The following DOCK3 variants were observed in gnomAD, a reference collection of about 807,000 sequenced individuals.
DOCK3 encodes dedicator of cytokinesis 3, also known as dedicator of cytokinesis protein 3.
A neutral mutation model predicts 265.6 loss-of-function variants in DOCK3; 60 were observed. The ratio of observed to expected loss-of-function variants is 0.23; its 90% CI spans 0.18 to 0.28. The LOEUF is 0.28. Among genes scored for constraint, DOCK3 ranks in the 10% least tolerant of loss-of-function variants. The pLI is 1.00. For missense variants in DOCK3, 1,981 were observed against 2,594.3 expected, an observed-to-expected ratio of 0.76 and a Z score of 5.14; for synonymous variants, 881 against 938.0, an observed-to-expected ratio of 0.94 and a Z score of 1.11.
chr3:51,129,898 C>T (rs1349412554), intron 9 of DOCK3, among the ~76,000 whole-genome samples: 1 of 152,228 alleles, frequency 6.6e-6, no homozygotes, highest in Non-Finnish European at 1.5e-5. Flanking sequence ...TTCTCCTGTT[C>T]TGGACCCCAC....
At chr3:51,255,833 T>C (rs1169440951) in intron 22 of DOCK3, among the ~76,000 whole-genome samples, 1 of 152,234 alleles carries the variant, frequency 6.6e-6, no homozygotes, top group East Asian at 1.9e-4. Context: ...CGGAGAAGTT[T>C]GTTATTACCG....
intron 23 of DOCK3, among the ~76,000 whole-genome samples, chr3:51,265,307 T>C (rs190782749): frequency 6.6e-6 from 1 of 152,340 alleles, no homozygotes; most frequent in East Asian, 1.9e-4. Context: ...TCTGAAACTA[T>C]TCCAAACAAT....
At chr3:51,170,512 A>T (rs944464144) in intron 12 of DOCK3, among the ~76,000 whole-genome samples, 1 of 151,988 alleles carries the variant, frequency 6.6e-6, no homozygotes, top group Non-Finnish European at 1.5e-5. Flanking sequence ...TAGGTTATCT[A>T]ATTTCTTAAC....
intron 1 of DOCK3, among the ~76,000 whole-genome samples, chr3:50,705,591 A>G (rs1483752258): frequency 1.3e-5 from 2 of 151,758 alleles, no homozygotes; most frequent in Non-Finnish European, 2.9e-5. Flanking sequence ...AATTTTTTGT[A>G]TTTTTAGTAG....
intron 5 of DOCK3, among the ~76,000 whole-genome samples, chr3:51,043,198 A>G (rs955313847): frequency 2.0e-5 from 3 of 152,238 alleles, no homozygotes; most frequent in Admixed American, 6.5e-5. Context: ...CTGCAGGTCT[A>G]CAGTAACCAA....
intron 10 of DOCK3, among the ~76,000 whole-genome samples, chr3:51,155,450 A>G (rs1040312659): frequency 6.6e-6 from 1 of 152,210 alleles, no homozygotes; most frequent in South Asian, 2.1e-4. Flanking sequence ...AGTTCTTCCT[A>G]TGAGCTAAAG....
chr3:51,188,213 G>C (rs4244698), intron 12 of DOCK3, among the ~76,000 whole-genome samples: 149,294 of 152,348 alleles, frequency 0.98, 73,170 homozygotes, highest in East Asian at 1. Context: ...ACATTAGTAC[G>C]AAGTGGAAAG....
intron 23 of DOCK3, among the ~76,000 whole-genome samples, chr3:51,269,094 ACTCT>A (rs113113347): frequency 0.015 from 2,132 of 141,200 alleles, 60 homozygotes; most frequent in African/African-American, 0.051. Context: ...GAGTTTCACA[ACTCT>A]CTCTCTCTCT....
chr3:51,270,764 T>C (rs568616717), intron 23 of DOCK3, 51 bp from the exon 24 acceptor site: 2 of 1,548,138 alleles, frequency 1.3e-6, no homozygotes, highest in African/African-American at 2.7e-5. Context: ...GCATGAAAGA[T>C]AGACACACAC....
chr3:50,933,644 T>A (rs1031434684), intron 4 of DOCK3, among the ~76,000 whole-genome samples: 12 of 152,062 alleles, frequency 7.9e-5, no homozygotes, highest in East Asian at 1.9e-4. Flanking sequence ...ATAAATAATT[T>A]AAAAAAACTA....
intron 1 of DOCK3, among the ~76,000 whole-genome samples, chr3:50,704,758 T>G (rs1010557881): frequency 2.0e-5 from 3 of 151,890 alleles, no homozygotes; most frequent in Non-Finnish European, 4.4e-5. Flanking sequence ...CCTGAGTAAG[T>G]GGGATTACAG....
chr3:51,297,297 T>C (rs904626081), intron 27 of DOCK3, among the ~76,000 whole-genome samples: 8 of 152,064 alleles, frequency 5.3e-5, no homozygotes, highest in African/African-American at 1.4e-4. Flanking sequence ...TTCGTAGATA[T>C]AACACCAAAG....
chr3:50,790,531 A>G (rs1045301641), intron 2 of DOCK3, among the ~76,000 whole-genome samples: 1 of 142,558 alleles, frequency 7.0e-6, no homozygotes, highest in Non-Finnish European at 1.5e-5. Context: ...AGATTCTTTC[A>G]GCATTTGTTT....
At position 51,259,879 on chromosome 3, in the gene DOCK3, A is replaced by G. The variant is rs747497352; in HGVS notation, c.2185-277A>G. Reference sequence around the variant, plus strand: ...AGTGGTCTTGAATTCAACTATTTCTATAACAGTCTATGGCTCCTTAATTCC... The same window carrying G: ...AGTGGTCTTGAATTCAACTATTTCTGTAACAGTCTATGGCTCCTTAATTCC... On this transcript the variant is annotated intron_variant, in intron 22 of 52. Transcript: ENST00000266037. Among the ~76,000 whole-genome samples the G allele has an allele frequency of 3.3e-5, 5 of 152,346 alleles. No individual in the cohort carries two copies. In the South Asian group the frequency reaches 8.3e-4, roughly 25 times the overall value.
intron 14 of DOCK3, among the ~76,000 whole-genome samples, chr3:51,217,701 G>A (rs572046489): frequency 1.3e-5 from 2 of 152,260 alleles, no homozygotes; most frequent in African/African-American, 2.4e-5. Context: ...CAGGCCAGGT[G>A]TTCCAGGTAA....
Position 50,675,482 on chromosome 3 carries a change from G to A in DOCK3, c.37+182G>A, listed in dbSNP as rs1261391108. ...GGTGCGGGTGCGGGGGTGGGCGCGG[G>A]TCTCTGTGCAGAGAGGGCGGCAGGG... is the stretch of plus-strand genomic sequence containing the variant. On this transcript the variant is annotated intron_variant, in intron 1 of 52. Coordinates refer to ENST00000266037, the MANE Select transcript of DOCK3 (RefSeq NM_004947.5). This position sits in a 1 kb window ranked among gnomAD's most constrained non-coding sequence, Gnocchi z 6.1. Among the ~76,000 whole-genome samples the A allele has an allele frequency of 6.6e-6, 1 of 151,792 alleles. No homozygotes were observed. The highest frequency in any genetic ancestry group is 6.6e-5 in the Admixed American group (1 of 15,242).
At chr3:51,351,779 C>T (rs1343823954) in intron 40 of DOCK3, among the ~76,000 whole-genome samples, 2 of 152,072 alleles carry the variant, frequency 1.3e-5, no homozygotes, top group African/African-American at 4.8e-5. Context: ...ACCTCAGCCT[C>T]CCGAGTGGCT....
intron 1 of DOCK3, among the ~76,000 whole-genome samples, chr3:50,733,405 C>T (rs754667530): frequency 2.6e-5 from 4 of 152,158 alleles, no homozygotes; most frequent in African/African-American, 7.2e-5. Flanking sequence ...TTAAGATGCT[C>T]TGTTAGATGC....
intron 49 of DOCK3, among the ~76,000 whole-genome samples, chr3:51,368,316 C>T (rs966966987): frequency 3.3e-5 from 5 of 152,296 alleles, no homozygotes; most frequent in Middle Eastern, 3.4e-3. Flanking sequence ...AAAGGGAAGC[C>T]GTGACAGATG....
Sources: gnomAD v4.1 joint callset for allele counts (sites outside exome capture counted in the v4.1 genomes callset) on GRCh38, gnomAD v4.1.1 for gene constraint, Gnocchi (gnomAD v3.1) non-coding constraint, MANE v1.5 for transcripts, NCBI Gene and HGNC (gene_info 2026-07-23, HGNC 2026-07-21) for gene names.